KRABD5: variants seen among roughly 807,000 people sequenced by gnomAD.
The protein encoded by KRABD5 is KRAB domain containing 5, also known as KRAB domain-containing protein 5.
chr16:31,717,647 A>G, the KRABD5 span, among the ~76,000 whole-genome samples: 2 of 150,736 alleles, frequency 1.3e-5, no homozygotes, highest in African/African-American at 2.5e-5. Context: ...ATTGCCTGTA[A>G]TGTCCTTCAC....
the KRABD5 span, among the ~76,000 whole-genome samples, chr16:31,730,646 C>T: frequency 6.6e-6 from 1 of 151,776 alleles, no homozygotes; most frequent in Admixed American, 6.6e-5. Flanking sequence ...CTTTTTTCTT[C>T]TTTCTTTCTT....
chr16:31,759,104 T>TA, the KRABD5 span: 12 of 356,228 alleles, frequency 3.4e-5, no homozygotes, highest in Non-Finnish European at 4.8e-5. Context: ...ATGTAAATGC[T>TA]AAAAAAGGAG....
At chr16:31,720,859 G>T in the KRABD5 span, among the ~76,000 whole-genome samples, 2 of 152,184 alleles carry the variant, frequency 1.3e-5, no homozygotes, top group East Asian at 3.9e-4. Context: ...CTTGTGGGTT[G>T]CTTTGGAGAG....
At chr16:31,726,606 C>A in the KRABD5 span, among the ~76,000 whole-genome samples, 1 of 152,024 alleles carries the variant, frequency 6.6e-6, no homozygotes, top group Admixed American at 6.6e-5. Flanking sequence ...ACTAAAAATA[C>A]AAAAATTAGC....
chr16:31,754,446 G>A, the KRABD5 span: 1 of 650,472 alleles, frequency 1.5e-6, no homozygotes, highest in Non-Finnish European at 2.8e-6. Flanking sequence ...CAGTATATTT[G>A]TGTTGCAGAG....
the KRABD5 span, among the ~76,000 whole-genome samples, chr16:31,736,707 A>T: frequency 6.6e-6 from 1 of 151,700 alleles, no homozygotes; most frequent in African/African-American, 2.4e-5. Flanking sequence ...TTTGATAGAG[A>T]CAGGGTTTCA....
At chr16:31,751,011 C>T in the KRABD5 span, among the ~76,000 whole-genome samples, 5 of 152,188 alleles carry the variant, frequency 3.3e-5, no homozygotes, top group Admixed American at 1.3e-4. Flanking sequence ...CCACCGGCCT[C>T]GGCCTTCCAG....
the KRABD5 span, among the ~76,000 whole-genome samples, chr16:31,724,606 G>T: frequency 6.6e-6 from 1 of 151,772 alleles, no homozygotes; most frequent in Non-Finnish European, 1.5e-5. Flanking sequence ...GCAGGAGAAT[G>T]GTGTGAACCT....
At chr16:31,744,561 T>C in the KRABD5 span, among the ~76,000 whole-genome samples, 2 of 152,168 alleles carry the variant, frequency 1.3e-5, no homozygotes, top group Admixed American at 1.3e-4. Context: ...TCAATGTTCA[T>C]TGGGGTATTA....
the KRABD5 span, among the ~76,000 whole-genome samples, chr16:31,742,441 T>C: frequency 1.3e-5 from 2 of 152,222 alleles, no homozygotes; most frequent in Non-Finnish European, 2.9e-5. Context: ...GTTAGTTTGC[T>C]GAGGATGATG....
the KRABD5 span, among the ~76,000 whole-genome samples, chr16:31,727,442 G>A: frequency 6.6e-6 from 1 of 152,204 alleles, no homozygotes; most frequent in Non-Finnish European, 1.5e-5. Flanking sequence ...CCTGTGGAGC[G>A]AGGCTACCCT....
the KRABD5 span, chr16:31,756,801 T>C: frequency 6.6e-6 from 1 of 152,142 alleles, no homozygotes; most frequent in African/African-American, 2.4e-5. Flanking sequence ...TTGCATTAAA[T>C]GGAATATACA....
the KRABD5 span, among the ~76,000 whole-genome samples, chr16:31,731,150 C>T: frequency 6.6e-6 from 1 of 152,170 alleles, no homozygotes; most frequent in South Asian, 2.1e-4. Context: ...TGTGAAGGAG[C>T]AAACCTCTCT....
chr16:31,749,346 G>A, the KRABD5 span, among the ~76,000 whole-genome samples: 2 of 152,312 alleles, frequency 1.3e-5, no homozygotes, highest in African/African-American at 4.8e-5. Context: ...AGCTATAGAG[G>A]TGGATGTTGC....
chr16:31,729,774 T>G, the KRABD5 span, among the ~76,000 whole-genome samples: 1 of 152,126 alleles, frequency 6.6e-6, no homozygotes, highest in African/African-American at 2.4e-5. Flanking sequence ...TTTATATACT[T>G]TGATTACTTT....
At chr16:31,727,647 T>G in the KRABD5 span, among the ~76,000 whole-genome samples, 1 of 152,220 alleles carries the variant, frequency 6.6e-6, no homozygotes, top group African/African-American at 2.4e-5. Flanking sequence ...TTTTTCTCAT[T>G]GGATTTTTTT....
At chr16:31,728,804 G>C in the KRABD5 span, among the ~76,000 whole-genome samples, 1 of 152,132 alleles carries the variant, frequency 6.6e-6, no homozygotes, top group South Asian at 2.1e-4. Flanking sequence ...TGTACATTTA[G>C]TCTATAGTGT....
chr16:31,736,510 T>C, the KRABD5 span, among the ~76,000 whole-genome samples: 1 of 134,922 alleles, frequency 7.4e-6, no homozygotes, highest in East Asian at 2.1e-4. Context: ...CCCATTTTAA[T>C]AATATTCTTT....
the KRABD5 span, chr16:31,713,311 T>C: frequency 2.2e-6 from 3 of 1,382,828 alleles, no homozygotes; most frequent in African/African-American, 2.9e-5. Flanking sequence ...CTCCCAGTCC[T>C]TCCATCTGGG....
Sources: allele counts gnomAD v4.1 joint callset (sites outside exome capture counted in the v4.1 genomes callset), GRCh38; gene constraint gnomAD v4.1.1; transcripts MANE v1.5; gene names NCBI Gene and HGNC (gene_info 2026-07-23, HGNC 2026-07-21).